Variants in CA2 observed in about 807,000 individuals in gnomAD.
CA2 encodes carbonic anhydrase 2.
CA2 carries 23 observed loss-of-function variants against 27.8 expected under a neutral mutation model. The observed-to-expected ratio is 0.83, with a 90% CI of 0.59 to 1.17. The LOEUF (loss-of-function observed/expected upper bound fraction) is 1.17. Ranked by LOEUF, CA2 falls within the 50% of genes most tolerant of loss-of-function variation. The pLI is 0.00. For missense variants in CA2, 300 were observed against 314.7 expected, an observed-to-expected ratio of 0.95 and a Z score of 0.35; for synonymous variants, 99 against 114.9, an observed-to-expected ratio of 0.86 and a Z score of 0.88.
intron 1 of CA2, 131 bp from the exon 2 acceptor site, chr8:85,465,141 T>C: frequency 1.5e-6 from 1 of 687,910 alleles, no homozygotes; most frequent in South Asian, 1.8e-5. Flanking sequence ...TTTCCCAAAA[T>C]TTAGCCCATT....
intron 6 of CA2, 57 bp downstream of exon 6, chr8:85,477,332 A>G: frequency 1.9e-6 from 3 of 1,592,080 alleles, no homozygotes; most frequent in Non-Finnish European, 2.6e-6. Flanking sequence ...AAGGCAGAAG[A>G]CCTTGGCCTC....
Position 85,473,713 on chromosome 8 carries a change from G to T in CA2, c.253G>T (p.Asp85Tyr). 2 of 1,604,528 alleles carry T rather than the reference G, an allele frequency of 1.2e-6. No individual in the cohort carries two copies. The highest frequency in any genetic ancestry group is 1.7e-6 in the Non-Finnish European group (2 of 1,171,336). Residue 85 changes from aspartate (D) to tyrosine (Y), a missense_variant, in exon 3 of 7, where the codon GAT (aspartate) becomes TAT (tyrosine). By Grantham distance (160) the Asp-to-Tyr change is radical. Coordinates refer to ENST00000285379, the MANE Select transcript of CA2 (RefSeq NM_000067.3). Reference protein sequence around the residue: ...DKAVLKGGPLDGTYRLIQFHF... With the variant: ...DKAVLKGGPLYGTYRLIQFHF... ...TTTAGTGCTCAAGGGAGGACCCCTG[G>T]ATGGCACTTACAGATTGATTCAGTT...
chr8:85,472,716 C>T (rs1224965778), intron 2 of CA2, among the ~76,000 whole-genome samples: 1 of 152,050 alleles, frequency 6.6e-6, no homozygotes, highest in Non-Finnish European at 1.5e-5. Flanking sequence ...TTCGGCCGGG[C>T]ACGGTGGCTC....
intron 6 of CA2, among the ~76,000 whole-genome samples, chr8:85,479,456 A>C (rs1302022115): frequency 2.0e-5 from 3 of 152,204 alleles, no homozygotes; most frequent in African/African-American, 7.2e-5. Flanking sequence ...GGGGTGATTG[A>C]GGGACTATTA....
chr8:85,475,635 A>G (rs911180688), intron 4 of CA2, among the ~76,000 whole-genome samples, 163 bp from the exon 5 acceptor site: 1 of 152,112 alleles, frequency 6.6e-6, no homozygotes, highest in Non-Finnish European at 1.5e-5. Context: ...AGGCAAGTCT[A>G]TGGTGTCAGT....
At chr8:85,464,172 GAT>G in intron 1 of CA2, 57 bp downstream of exon 1, 3 of 1,478,168 alleles carry the variant, frequency 2.0e-6, no homozygotes, top group Non-Finnish European at 2.7e-6. Context: ...CCCGATCCCC[GAT>G]CCCCGAGCCC....
At chr8:85,475,371 TAAAAAAAAAAA>T (rs3070396) in intron 4 of CA2, among the ~76,000 whole-genome samples, 3 of 41,362 alleles carry the variant, frequency 7.3e-5, no homozygotes, top group East Asian at 9.1e-4. Flanking sequence ...ACTCTGACTC[TAAAAAAAAAAA>T]AAAAAAAAAA....
At chr8:85,466,262 A>G (rs1199267610) in intron 2 of CA2, among the ~76,000 whole-genome samples, 2 of 151,720 alleles carry the variant, frequency 1.3e-5, no homozygotes, top group East Asian at 3.9e-4. Context: ...AGTTAATTTA[A>G]TTGCCAGTGC....
intron 2 of CA2, among the ~76,000 whole-genome samples, chr8:85,468,194 G>A (rs1449681533): frequency 6.6e-6 from 1 of 152,214 alleles, no homozygotes; most frequent in African/African-American, 2.4e-5. Context: ...GAGGCTTGAA[G>A]GATTTTGATG....
chr8:85,470,532 T>A (rs1335541257), intron 2 of CA2, among the ~76,000 whole-genome samples: 1 of 152,138 alleles, frequency 6.6e-6, no homozygotes, highest in Non-Finnish European at 1.5e-5. Flanking sequence ...TTAATTTAGT[T>A]TAAGTGATTA....
At chr8:85,477,353 G>A in intron 6 of CA2, 78 bp downstream of exon 6, 2 of 1,524,298 alleles carry the variant, frequency 1.3e-6, no homozygotes, top group Non-Finnish European at 1.8e-6. Flanking sequence ...CAGAGTGAGA[G>A]AGAACTGAGA....
At chr8:85,473,356 G>C in intron 2 of CA2, 1 of 465,122 alleles carries the variant, frequency 2.1e-6, no homozygotes, top group South Asian at 1.6e-5. Flanking sequence ...TTCTCTCTCT[G>C]GACCTGAATC....
chr8:85,464,139 C>A, intron 1 of CA2, 24 bp downstream of exon 1: 2 of 1,531,932 alleles, frequency 1.3e-6, no homozygotes, highest in Non-Finnish European at 1.8e-6. Context: ...ACGGCCAGCG[C>A]GGGGGCGCCC....
At chr8:85,479,446 G>A (rs1322511884) in intron 6 of CA2, among the ~76,000 whole-genome samples, 1 of 152,176 alleles carries the variant, frequency 6.6e-6, no homozygotes, top group Non-Finnish European at 1.5e-5. Context: ...TGGCTCTACG[G>A]GGGTGATTGA....
At chr8:85,471,992 C>A (rs1811719951) in intron 2 of CA2, among the ~76,000 whole-genome samples, 1 of 152,074 alleles carries the variant, frequency 6.6e-6, no homozygotes, top group African/African-American at 2.4e-5. Flanking sequence ...TTTCTGTTTT[C>A]ATTCTTCCTT....
At chr8:85,475,723 G>A (rs1053887080) in intron 4 of CA2, 75 bp from the exon 5 acceptor site, 25 of 1,328,792 alleles carry the variant, frequency 1.9e-5, no homozygotes, top group Non-Finnish European at 2.6e-5. Context: ...TTCTAATAGA[G>A]CTACCCAAAT....
chr8:85,479,374 A>G (rs1811854079), intron 6 of CA2, among the ~76,000 whole-genome samples: 2 of 152,190 alleles, frequency 1.3e-5, no homozygotes, highest in African/African-American at 4.8e-5. Context: ...ATATATCCTT[A>G]GAATGCTCCC....
chr8:85,479,615 C>T (rs1024328359), intron 6 of CA2, among the ~76,000 whole-genome samples: 27 of 152,032 alleles, frequency 1.8e-4, no homozygotes, highest in African/African-American at 6.5e-4. Flanking sequence ...GACTGTTCAA[C>T]AGCTGCCTGT....
chr8:85,464,146 GCCCCGATCCCCGATCCCCGATCCCCGAT>G, intron 1 of CA2, 31 bp downstream of exon 1: 1 of 1,512,550 alleles, frequency 6.6e-7, no homozygotes, highest in Non-Finnish European at 8.9e-7. Context: ...GCGCGGGGGC[GCCCCGATCCCCGATCCCCGATCCCCGAT>G]CCCCGAGCCC....
Sources: allele counts gnomAD v4.1 joint callset (sites outside exome capture counted in the v4.1 genomes callset), GRCh38; gene constraint gnomAD v4.1.1; transcripts MANE v1.5; gene names NCBI Gene and HGNC (gene_info 2026-07-23, HGNC 2026-07-21).